Variants in CUBN observed in about 807,000 individuals in gnomAD.
CUBN encodes cubilin.
In CUBN, 282 loss-of-function variants were observed where a neutral mutation model predicts 405.3. The ratio of observed to expected loss-of-function variants is 0.70; its 90% CI spans 0.63 to 0.77. The LOEUF (loss-of-function observed/expected upper bound fraction) is 0.77. CUBN is among the 30% of genes least tolerant of loss of function. The pLI is 0.00. For missense variants in CUBN, 4,514 were observed against 4,475.2 expected (o/e 1.01, Z -0.25); for synonymous variants, 1,684 against 1,617.0 (o/e 1.04, Z -0.99).
intron 27 of CUBN, chr10:17,023,599 C>T (rs1247405958): frequency 2.2e-6 from 1 of 455,870 alleles, no homozygotes; most frequent in Admixed American, 2.3e-5. Flanking sequence ...GTTTTCAGAG[C>T]AGAATGTTAA....
intron 27 of CUBN, among the ~76,000 whole-genome samples, chr10:17,028,977 C>T (rs954292491): frequency 2.0e-5 from 3 of 152,174 alleles, no homozygotes; most frequent in South Asian, 2.1e-4. Flanking sequence ...AGAGACCTTT[C>T]GGTTGCCCTG....
At position 16,831,257 on chromosome 10, in the gene CUBN, G is replaced by T. The variant is rs1309845659; in HGVS notation, c.10523C>A (p.Pro3508His). 11 of 1,613,876 alleles carry T rather than the reference G, an allele frequency of 6.8e-6. No homozygotes were observed. The highest frequency in any genetic ancestry group is 9.3e-6 in the Non-Finnish European group (11 of 1,179,824). ...RGYEIIWTSS[P>H]SGCGGTLYGD... is the part of the protein sequence containing the mutation. ...ACAAAGTGCAAATGTCTTACCAGAG[G>T]GTGATGAAGTCCAGATGATTTCATA... The change falls in exon 65 of 67, where the codon CCC (proline) becomes CAC (histidine). Residue 3508 changes from proline (P) to histidine (H), a missense_variant. Around this residue, in one of 5 missense-constraint regions of CUBN, gnomAD observed 1,186 missense variants for 1,186.9 expected, o/e 1.00. Transcript: ENST00000377833.
At chr10:17,051,969 TAAAAG>T (rs888244973) in intron 22 of CUBN, among the ~76,000 whole-genome samples, 1 of 151,314 alleles carries the variant, frequency 6.6e-6, no homozygotes, top group Non-Finnish European at 1.5e-5. Flanking sequence ...ACAGGAGAAA[TAAAAG>T]AAAACTACAC....
intron 62 of CUBN, among the ~76,000 whole-genome samples, chr10:16,838,721 T>C (rs1420718142): frequency 6.6e-6 from 1 of 152,246 alleles, no homozygotes; most frequent in Non-Finnish European, 1.5e-5. Flanking sequence ...CTTGGCTCAC[T>C]GCAACCTCTG....
intron 27 of CUBN, among the ~76,000 whole-genome samples, chr10:17,036,273 G>C (rs1013460545): frequency 6.6e-6 from 1 of 152,200 alleles, no homozygotes; most frequent in African/African-American, 2.4e-5. Flanking sequence ...TGATCCTGTA[G>C]GGTCAAGGCT....
At chr10:17,067,405 A>G (rs1311783985) in intron 21 of CUBN, among the ~76,000 whole-genome samples, 1 of 152,150 alleles carries the variant, frequency 6.6e-6, no homozygotes, top group Non-Finnish European at 1.5e-5. Context: ...CAGATTAGAC[A>G]TTGCATAAGA....
At chr10:16,959,582 A>T (rs947271197) in intron 31 of CUBN, among the ~76,000 whole-genome samples, 4 of 151,274 alleles carry the variant, frequency 2.6e-5, no homozygotes, top group East Asian at 2.0e-4. Flanking sequence ...GAGCTGAGAT[A>T]GTGCCACTGC....
intron 60 of CUBN, among the ~76,000 whole-genome samples, chr10:16,841,792 A>T (rs1294217478): frequency 6.6e-6 from 1 of 151,366 alleles, no homozygotes; most frequent in Non-Finnish European, 1.5e-5. Context: ...ACACCCCTGT[A>T]ATCCCATATA....
intron 54 of CUBN, among the ~76,000 whole-genome samples, chr10:16,897,557 C>T (rs1403801029): frequency 6.6e-6 from 1 of 152,134 alleles, no homozygotes; most frequent in East Asian, 1.9e-4. Context: ...CAGGTCTGGC[C>T]TGTGGGGACA....
At chr10:16,834,264 C>T (rs766230407) in intron 64 of CUBN, among the ~76,000 whole-genome samples, 8 of 152,046 alleles carry the variant, frequency 5.3e-5, no homozygotes, top group African/African-American at 9.7e-5. Context: ...CCCAATGCAG[C>T]GATGGGGCAG....
chr10:16,875,058 G>A (rs1247070716), intron 57 of CUBN, among the ~76,000 whole-genome samples: 1 of 151,984 alleles, frequency 6.6e-6, no homozygotes, highest in Non-Finnish European at 1.5e-5. Flanking sequence ...TCTCCAGTCT[G>A]GTGGATTTGC....
At chr10:16,932,759 C>T (rs574220731) in intron 40 of CUBN, among the ~76,000 whole-genome samples, 11 of 152,202 alleles carry the variant, frequency 7.2e-5, no homozygotes, top group African/African-American at 2.6e-4. Context: ...CAGCCAGAAA[C>T]ATAAAATATC....
intron 33 of CUBN, among the ~76,000 whole-genome samples, chr10:16,950,623 C>CTAGATGGTTTCCTTTGAAGAGTAATAGAA (rs1294935497): frequency 2.6e-5 from 4 of 152,162 alleles, no homozygotes; most frequent in African/African-American, 7.2e-5. Flanking sequence ...AACTTCTATC[C>CTAGATGGTTTCCTTTGAAGAGTAATAGAA]TAGATGGTTT....
At position 16,925,587 on chromosome 10, in the gene CUBN, C is replaced by G. The variant is rs62619939; in HGVS notation, c.6459G>C (p.Leu2153Phe). The change falls in exon 42 of 67, where the codon TTG becomes TTC. Residue 2153 changes from leucine to phenylalanine, a missense_variant. By Grantham distance (22) the Leu-to-Phe change is conservative (BLOSUM62 0). Coordinates refer to ENST00000377833, the MANE Select transcript of CUBN (RefSeq NM_001081.4). Reference protein sequence around the residue: ...GDSSCNQGDYLVLRNGPDICS... With the variant: ...GDSSCNQGDYFVLRNGPDICS... The stretch of plus-strand genomic sequence containing the variant: ...AAAGGGTAGCAGCAAGACCTACCAC[C>G]AAGTAATCCCCCTGGTTGCAAGAAG... The G allele has an allele frequency of 0.12, 199,933 of 1,613,578 alleles. 12,869 individuals carry two copies. Among genetic ancestry groups the G allele is most frequent in the South Asian group, 0.18 (16,131 of 91,062 alleles).
At chr10:17,004,963 C>T (rs1833979072) in intron 28 of CUBN, among the ~76,000 whole-genome samples, 1 of 152,120 alleles carries the variant, frequency 6.6e-6, no homozygotes, top group African/African-American at 2.4e-5. Context: ...CAGCCCTAAA[C>T]AGCTCTTTAA....
chr10:17,089,705 T>C (rs942399715), intron 14 of CUBN, among the ~76,000 whole-genome samples: 21 of 152,190 alleles, frequency 1.4e-4, no homozygotes, highest in Admixed American at 1.2e-3. Context: ...CAAAAACCTA[T>C]GCATTTCATT....
chr10:16,955,810 T>C (rs1843047190), intron 31 of CUBN, among the ~76,000 whole-genome samples: 1 of 152,122 alleles, frequency 6.6e-6, no homozygotes, highest in Non-Finnish European at 1.5e-5. Context: ...ACACAATTCC[T>C]AAGAGGGAGC....
chr10:17,128,777 G>A (rs907779093), intron 2 of CUBN, among the ~76,000 whole-genome samples: 1 of 152,158 alleles, frequency 6.6e-6, no homozygotes, highest in African/African-American at 2.4e-5. Flanking sequence ...CTGAAGACAG[G>A]TTGATTAATG....
At chr10:16,827,543 T>C (rs1463198953) in intron 66 of CUBN, among the ~76,000 whole-genome samples, 2 of 152,180 alleles carry the variant, frequency 1.3e-5, no homozygotes, top group African/African-American at 2.4e-5. Flanking sequence ...GTCTAAGTGA[T>C]TAAAGGGCAG....
Sources: gnomAD v4.1 joint callset for allele counts (sites outside exome capture counted in the v4.1 genomes callset) on GRCh38, gnomAD v4.1.1 for gene constraint, gnomAD v4.1.1 regional missense constraint, MANE v1.5 for transcripts, NCBI Gene and HGNC (gene_info 2026-07-23, HGNC 2026-07-21) for gene names.